The following RPTOR variants were observed in gnomAD, a reference collection of about 807,000 sequenced individuals.
RPTOR encodes regulatory-associated protein of mTOR.
Under a neutral mutation model 169.9 loss-of-function variants are expected in RPTOR, and 21 were observed. That is an observed-to-expected ratio of 0.12 (90% CI 0.09 to 0.18). The LOEUF (loss-of-function observed/expected upper bound fraction) is 0.18, where lower values mean the gene tolerates loss of function less well. Ranked by LOEUF, RPTOR falls within the 10% of genes least tolerant of loss-of-function variation. The pLI, the probability that RPTOR is intolerant of heterozygous loss-of-function variation, is 1.00. For synonymous variants in RPTOR, 732 were observed against 753.2 expected, an observed-to-expected ratio of 0.97 and a Z score of 0.46; for missense variants, 1,133 against 1,855.9, an observed-to-expected ratio of 0.61 and a Z score of 7.16.
intron 24 of RPTOR, among the ~76,000 whole-genome samples, chr17:80,930,436 C>T (rs2068879838): frequency 2.2e-5 from 1 of 45,956 alleles, no homozygotes; most frequent in African/African-American, 9.4e-5. Context: ...CATCCTCATC[C>T]CCAGCTCATC....
At chr17:80,898,398 T>G (rs991820650) in intron 20 of RPTOR, among the ~76,000 whole-genome samples, 2 of 152,202 alleles carry the variant, frequency 1.3e-5, no homozygotes, top group Non-Finnish European at 2.9e-5. Flanking sequence ...CTCTAAGATG[T>G]TTGTTCATTT....
intron 6 of RPTOR, among the ~76,000 whole-genome samples, chr17:80,767,113 C>G (rs9908929): frequency 0.27 from 41,589 of 152,164 alleles, 5,850 homozygotes; most frequent in African/African-American, 0.33. Context: ...GGGCTCATGC[C>G]TATAATCCCA....
At chr17:80,600,041 T>C (rs1048430511) in intron 1 of RPTOR, among the ~76,000 whole-genome samples, 3 of 152,210 alleles carry the variant, frequency 2.0e-5, no homozygotes, top group Admixed American at 2.0e-4. Flanking sequence ...AAAATGCATC[T>C]GGACTGGGCT....
chr17:80,704,007 C>A (rs1008071817), intron 3 of RPTOR, among the ~76,000 whole-genome samples: 1 of 152,144 alleles, frequency 6.6e-6, no homozygotes, highest in African/African-American at 2.4e-5. Flanking sequence ...GAACTAGGTC[C>A]TCTCCAGGAC....
intron 6 of RPTOR, among the ~76,000 whole-genome samples, chr17:80,769,090 T>C (rs1223876332): frequency 6.6e-6 from 1 of 152,106 alleles, no homozygotes; most frequent in African/African-American, 2.4e-5. Context: ...TAGACCTGTA[T>C]GGAGGGTGGC....
At chr17:80,700,628 G>GTGA (rs1567864466) in intron 3 of RPTOR, among the ~76,000 whole-genome samples, 1 of 15,770 alleles carries the variant, frequency 6.3e-5, no homozygotes, top group African/African-American at 1.7e-4. Context: ...GGTGGTGGTG[G>GTGA]CGGCGATGAT....
intron 1 of RPTOR, among the ~76,000 whole-genome samples, chr17:80,547,918 A>G (rs371716214): frequency 3.9e-5 from 6 of 152,166 alleles, no homozygotes; most frequent in African/African-American, 1.2e-4. Flanking sequence ...TGAAGGGGCA[A>G]CTGGGCTATG....
rs148554100 is a variant in RPTOR, at chr17:80,936,927, C to T, written c.2920-3569C>T. On this transcript the variant is annotated intron_variant, in intron 24 of 33. Coordinates refer to ENST00000306801, the MANE Select transcript of RPTOR (RefSeq NM_020761.3). The surrounding 1 kb of genome is among the most constrained non-coding windows in gnomAD (Gnocchi z 4.1). ...GCTGTGTCCTTGGACGTAATGTACA[C>T]GAGACACTGGCAGAATCAAATCACC... Among the ~76,000 whole-genome samples the T allele has an allele frequency of 8.4e-3, 1,280 of 152,326 alleles. 17 individuals carry two copies. The highest frequency in any genetic ancestry group is 0.029 in the African/African-American group (1,220 of 41,556).
intron 2 of RPTOR, among the ~76,000 whole-genome samples, chr17:80,634,940 T>C (rs1486890388): frequency 6.6e-6 from 1 of 152,194 alleles, no homozygotes; most frequent in Non-Finnish European, 1.5e-5. Flanking sequence ...CGCGTGTGCA[T>C]ACTATGTGCG....
Position 80,823,447 on chromosome 17 carries a change from A to T in RPTOR, c.1136+224A>T, listed in dbSNP as rs2067404586. 1 of 487,118 alleles carries T rather than the reference A, an allele frequency of 2.1e-6. No homozygotes were observed. The highest frequency in any genetic ancestry group is 3.5e-6 in the Non-Finnish European group (1 of 284,216). The allele number at this position is 487,118 out of a possible 1,614,324, so 30.2% of individuals were successfully genotyped here. A position where few individuals can be genotyped will look rare whatever the true frequency, so the allele number is the denominator to read the frequency against. ...GCCTTGGAGGGCCTTTTAGGACTGC[A>T]CGGGAGCAGCGGCCGGCTGAAGCCT... On this transcript the variant is annotated intron_variant, in intron 9 of 33. Coordinates refer to ENST00000306801, the MANE Select transcript of RPTOR (RefSeq NM_020761.3). The surrounding 1 kb of genome is among the most constrained non-coding windows in gnomAD (Gnocchi z 4.5).
Position 80,743,316 on chromosome 17 carries a change from G to T in RPTOR, c.655-10694G>T, listed in dbSNP as rs1474503227. On this transcript the variant is annotated intron_variant, in intron 5 of 33. Coordinates refer to ENST00000306801, the MANE Select transcript of RPTOR (RefSeq NM_020761.3). ...AGGCACCCATCTGGCAGGGGGCAGGGCGCTCTTGCAGGTTCCGCCGTGCAG... is the reference window on the plus strand; with the variant it reads ...AGGCACCCATCTGGCAGGGGGCAGGTCGCTCTTGCAGGTTCCGCCGTGCAG... The T allele has an allele frequency of 4.1e-6, 4 of 985,458 alleles. No homozygotes were observed. The African/African-American group carries it at 5.2e-5, about 13-fold the overall frequency. The allele number at this position is 985,458 out of a possible 1,614,324, so 61.0% of individuals were successfully genotyped here. A position where few individuals can be genotyped will look rare whatever the true frequency, so the allele number is the denominator to read the frequency against.
At chr17:80,617,682 C>T (rs1179396781) in intron 1 of RPTOR, among the ~76,000 whole-genome samples, 1 of 152,050 alleles carries the variant, frequency 6.6e-6, no homozygotes, top group African/African-American at 2.4e-5. Context: ...TTGTTAATTT[C>T]ACCCCATAAG....
intron 1 of RPTOR, among the ~76,000 whole-genome samples, chr17:80,620,917 A>G (rs2065349487): frequency 6.6e-6 from 1 of 152,222 alleles, no homozygotes; most frequent in African/African-American, 2.4e-5. Context: ...TAGATATTAG[A>G]GCTAACACGT....
At chr17:80,781,832 G>C (rs1281911127) in intron 6 of RPTOR, among the ~76,000 whole-genome samples, 1 of 152,232 alleles carries the variant, frequency 6.6e-6, no homozygotes, top group East Asian at 1.9e-4. Flanking sequence ...TTGCGTCTTT[G>C]GGTTGCAGAA....
At chr17:80,549,619 T>C (rs1214364865) in intron 1 of RPTOR, among the ~76,000 whole-genome samples, 1 of 152,198 alleles carries the variant, frequency 6.6e-6, no homozygotes, top group Non-Finnish European at 1.5e-5. Context: ...GGTCTAACTG[T>C]GATACTTTAT....
chr17:80,921,505 G>T (rs556214334), intron 21 of RPTOR, among the ~76,000 whole-genome samples: 4 of 152,204 alleles, frequency 2.6e-5, no homozygotes, highest in African/African-American at 9.7e-5. Flanking sequence ...GGCAGCGCAC[G>T]CCCTGCCTTG....
At chr17:80,892,522 C>G (rs2068339050) in intron 18 of RPTOR, among the ~76,000 whole-genome samples, 3 of 152,252 alleles carry the variant, frequency 2.0e-5, no homozygotes, top group African/African-American at 7.2e-5. Context: ...TGCACAGAGC[C>G]ACAAGCGGTT....
At chr17:80,846,234 C>G (rs1214783026) in intron 10 of RPTOR, among the ~76,000 whole-genome samples, 1 of 152,270 alleles carries the variant, frequency 6.6e-6, no homozygotes, top group Admixed American at 6.5e-5. Flanking sequence ...GGCCAAAAGC[C>G]TTGGAGTCAT....
chr17:80,821,383 ATC>A (rs2143611095), intron 7 of RPTOR, among the ~76,000 whole-genome samples: 1 of 152,348 alleles, frequency 6.6e-6, no homozygotes, highest in East Asian at 1.9e-4. Flanking sequence ...GATCAGCTAA[ATC>A]TTTTTGACAG....
Sources: allele counts gnomAD v4.1 joint callset (sites outside exome capture counted in the v4.1 genomes callset), GRCh38; gene constraint gnomAD v4.1.1; non-coding constraint Gnocchi (gnomAD v3.1); transcripts MANE v1.5; gene names NCBI Gene and HGNC (gene_info 2026-07-23, HGNC 2026-07-21).